LDB2: variants seen among roughly 807,000 people sequenced by gnomAD.
The protein encoded by LDB2 is LIM domain-binding protein 2.
Under a neutral mutation model 44.3 loss-of-function variants are expected in LDB2, and 12 were observed. That is an observed-to-expected ratio of 0.27 (90% confidence interval 0.17 to 0.44). The LOEUF (loss-of-function observed/expected upper bound fraction) is 0.44, where lower values mean the gene tolerates loss of function less well. LDB2 is among the 20% of genes least tolerant of loss of function. The pLI, the probability that LDB2 is intolerant of heterozygous loss-of-function variation, is 1.00. For missense variants in LDB2, 344 were observed against 473.5 expected (o/e 0.73, Z 2.54); for synonymous variants, 164 against 174.8 (o/e 0.94, Z 0.49).
At chr4:16,558,723 C>A (rs1273202730) in intron 5 of LDB2, among the ~76,000 whole-genome samples, 2 of 152,046 alleles carry the variant, frequency 1.3e-5, no homozygotes, top group African/African-American at 4.8e-5. Flanking sequence ...CACAAAGATA[C>A]TCCTCGAGAA....
chr4:16,776,809 T>C (rs921775102), intron 1 of LDB2, among the ~76,000 whole-genome samples: 6 of 152,160 alleles, frequency 3.9e-5, no homozygotes, highest in African/African-American at 1.4e-4. Flanking sequence ...AAAATTTACA[T>C]GGGATAACCA....
At chr4:16,669,106 T>C (rs1279227511) in intron 2 of LDB2, among the ~76,000 whole-genome samples, 1 of 152,196 alleles carries the variant, frequency 6.6e-6, no homozygotes, top group Non-Finnish European at 1.5e-5. Flanking sequence ...GGAGAATGAA[T>C]ATTGAGCAAC....
intron 2 of LDB2, among the ~76,000 whole-genome samples, chr4:16,661,065 G>T (rs150925821): frequency 6.6e-6 from 1 of 151,972 alleles, no homozygotes. Flanking sequence ...CTTTCCAATC[G>T]TTTTTCTAAT....
intron 2 of LDB2, among the ~76,000 whole-genome samples, chr4:16,597,124 G>A (rs1220530378): frequency 1.3e-5 from 2 of 152,142 alleles, no homozygotes; most frequent in Non-Finnish European, 2.9e-5. Flanking sequence ...TCCACTTTGT[G>A]TGGATCTATA....
chr4:16,697,735 C>T (rs1752510941), intron 2 of LDB2, among the ~76,000 whole-genome samples: 1 of 152,148 alleles, frequency 6.6e-6, no homozygotes, highest in Non-Finnish European at 1.5e-5. Flanking sequence ...AATTCCCTTC[C>T]CTAGTGTTGG....
intron 2 of LDB2, among the ~76,000 whole-genome samples, chr4:16,656,086 G>A (rs1036024328): frequency 1.3e-5 from 2 of 151,888 alleles, no homozygotes; most frequent in African/African-American, 4.8e-5. Context: ...TTTTTTAGTA[G>A]AGACGGGGTT....
chr4:16,578,912 G>C (rs1158232047), intron 5 of LDB2, among the ~76,000 whole-genome samples: 2 of 152,186 alleles, frequency 1.3e-5, no homozygotes, highest in African/African-American at 2.4e-5. Flanking sequence ...GGAACTGAAG[G>C]TCATTATATT....
chr4:16,853,331 T>G (rs1788651796), intron 1 of LDB2, among the ~76,000 whole-genome samples: 1 of 152,136 alleles, frequency 6.6e-6, no homozygotes, highest in Non-Finnish European at 1.5e-5. Context: ...AAGACCTGAA[T>G]AGACATTTTT....
chr4:16,897,947 T>C (rs1337401875), intron 1 of LDB2, among the ~76,000 whole-genome samples: 2 of 13,514 alleles, frequency 1.5e-4, no homozygotes, highest in Admixed American at 7.8e-4. Context: ...TACACATATG[T>C]ATATATATAT....
At chr4:16,882,911 C>G (rs972444719) in intron 1 of LDB2, among the ~76,000 whole-genome samples, 2 of 152,158 alleles carry the variant, frequency 1.3e-5, no homozygotes, top group Admixed American at 1.3e-4. Context: ...AGTCTTAGTT[C>G]AGATGAATTT....
At chr4:16,550,419 A>G (rs973151698) in intron 5 of LDB2, among the ~76,000 whole-genome samples, 16 of 152,216 alleles carry the variant, frequency 1.1e-4, no homozygotes, top group African/African-American at 3.9e-4. Flanking sequence ...TAAAATGATG[A>G]CATTTGTTAG....
At chr4:16,692,723 G>T (rs553700586) in intron 2 of LDB2, among the ~76,000 whole-genome samples, 32 of 152,250 alleles carry the variant, frequency 2.1e-4, no homozygotes, top group African/African-American at 2.4e-4. Context: ...CAGATATGAT[G>T]ATTTGTCTTG....
chr4:16,521,537 AG>A (rs1350720702), intron 5 of LDB2, among the ~76,000 whole-genome samples: 1 of 152,144 alleles, frequency 6.6e-6, no homozygotes, highest in Admixed American at 6.5e-5. Flanking sequence ...CTAAGTTTCC[AG>A]GGGAATATGA....
chr4:16,876,307 G>C (rs1263009278), intron 1 of LDB2, among the ~76,000 whole-genome samples: 1 of 152,068 alleles, frequency 6.6e-6, no homozygotes, highest in Non-Finnish European at 1.5e-5. Context: ...TTAAATCTAG[G>C]GGTACACACC....
At chr4:16,697,302 C>A (rs957707615) in intron 2 of LDB2, among the ~76,000 whole-genome samples, 2 of 144,568 alleles carry the variant, frequency 1.4e-5, no homozygotes, top group African/African-American at 2.6e-5. Flanking sequence ...CACACACACA[C>A]AAATTAGCCA....
At chr4:16,538,244 C>T (rs1401175406) in intron 5 of LDB2, among the ~76,000 whole-genome samples, 1 of 152,184 alleles carries the variant, frequency 6.6e-6, no homozygotes, top group African/African-American at 2.4e-5. Flanking sequence ...CCCTGTTTTG[C>T]TTCCTCCTGG....
chr4:16,833,968 A>G (rs1407211399), intron 1 of LDB2, among the ~76,000 whole-genome samples: 1 of 152,186 alleles, frequency 6.6e-6, no homozygotes, highest in African/African-American at 2.4e-5. Context: ...CCCAATGTCC[A>G]TGGTTCACTC....
chr4:16,628,115 G>C (rs1033830052), intron 2 of LDB2, among the ~76,000 whole-genome samples: 3 of 152,140 alleles, frequency 2.0e-5, no homozygotes, highest in African/African-American at 7.2e-5. Context: ...CATTTCAAAC[G>C]GTTTGGGTGC....
intron 5 of LDB2, among the ~76,000 whole-genome samples, chr4:16,573,246 T>C (rs1204321140): frequency 6.6e-6 from 1 of 152,216 alleles, no homozygotes; most frequent in Non-Finnish European, 1.5e-5. Context: ...ATGATAATTG[T>C]TATTCTGGTG....
Sources: gnomAD v4.1 joint callset for allele counts (sites outside exome capture counted in the v4.1 genomes callset) on GRCh38, gnomAD v4.1.1 for gene constraint, MANE v1.5 for transcripts, NCBI Gene and HGNC (gene_info 2026-07-23, HGNC 2026-07-21) for gene names.